STX18: variants seen among roughly 807,000 people sequenced by gnomAD.
STX18 encodes the protein syntaxin 18.
In STX18, 40 loss-of-function variants were observed where a neutral mutation model predicts 50.1. That is an observed-to-expected ratio of 0.80 (90% CI 0.62 to 1.04). The LOEUF is 1.04. Among genes scored for constraint, STX18 ranks in the 50% least tolerant of loss-of-function variants. The pLI, the probability that STX18 is intolerant of heterozygous loss-of-function variation, is 0.00. For missense variants in STX18, 410 were observed against 415.8 expected, an observed-to-expected ratio of 0.99 and a Z score of 0.12; for synonymous variants, 158 against 151.8, an observed-to-expected ratio of 1.04 and a Z score of -0.30.
chr4:4,470,497 C>G (rs963344756), intron 2 of STX18, among the ~76,000 whole-genome samples: 1 of 152,176 alleles, frequency 6.6e-6, no homozygotes, highest in African/African-American at 2.4e-5. Context: ...GGAAACCTGA[C>G]AAGGTCCTTG....
chr4:4,500,234 T>C (rs1365976242), intron 1 of STX18, among the ~76,000 whole-genome samples: 1 of 152,226 alleles, frequency 6.6e-6, no homozygotes, highest in Non-Finnish European at 1.5e-5. Flanking sequence ...TTTATCACTG[T>C]AATAATATAT....
rs569288504 is a variant in STX18 at position 4,515,385 on chromosome 4, C to A, written c.168+26412G>T. 2.2e-3 allele frequency among the ~76,000 whole-genome samples: 336 copies of A among 152,164 alleles called. 1 individual carries two copies. The highest frequency in any genetic ancestry group is 3.8e-3 in the Non-Finnish European group (255 of 67,966). On this transcript the variant is annotated intron_variant, in intron 1 of 10. Coordinates refer to ENST00000306200, the MANE Select transcript of STX18 (RefSeq NM_016930.4). ...AAAAATTGTGGTCATCTTTTGTTTG[C>A]TTTGTGTTTTAAGAAAAACTTGAAT...
intron 5 of STX18, among the ~76,000 whole-genome samples, chr4:4,448,624 G>A (rs1726566083): frequency 6.6e-6 from 1 of 152,314 alleles, no homozygotes; most frequent in Middle Eastern, 3.4e-3. Flanking sequence ...TTACAGGCAT[G>A]AGCCACCGCG....
chr4:4,495,563 C>G, intron 1 of STX18, among the ~76,000 whole-genome samples: 1 of 129,998 alleles, frequency 7.7e-6, no homozygotes, highest in African/African-American at 2.9e-5. Flanking sequence ...TTTTTCTTTT[C>G]TTTTTTTTTT....
chr4:4,443,845 G>A (rs1413892116), intron 5 of STX18, among the ~76,000 whole-genome samples: 1 of 152,198 alleles, frequency 6.6e-6, no homozygotes. Flanking sequence ...ATCCTCTGAT[G>A]ATAAAAACTT....
intron 6 of STX18, among the ~76,000 whole-genome samples, chr4:4,435,755 G>A (rs535339354): frequency 1.5e-4 from 23 of 152,282 alleles, no homozygotes; most frequent in Non-Finnish European, 2.4e-4. Context: ...GAAAGGGAGC[G>A]TAGGAACATT....
intron 1 of STX18, chr4:4,478,059 T>C (rs752024760): frequency 1.3e-5 from 2 of 152,216 alleles, no homozygotes; most frequent in East Asian, 1.9e-4. Context: ...AGAATTGGCA[T>C]TGATCACAGA....
rs75801136 is a variant in STX18 at position 4,505,341 on chromosome 4, C to G, written c.169-33635G>C. Among the ~76,000 whole-genome samples the G allele has an allele frequency of 7.7e-3, 1,179 of 152,290 alleles. 11 individuals carry two copies. The highest frequency in any genetic ancestry group is 0.027 in the African/African-American group (1,120 of 41,556). On this transcript the variant is annotated intron_variant, in intron 1 of 10. Transcript: ENST00000306200. ...TACCTACAGTTGAACAAAATCATAT[C>G]CAAAGAATGCTGGCAACACAGTACA...
chr4:4,422,596 AAAAG>A (rs1725027314), intron 9 of STX18, among the ~76,000 whole-genome samples: 1 of 151,856 alleles, frequency 6.6e-6, no homozygotes, highest in Non-Finnish European at 1.5e-5. Context: ...AAAAGAAAAA[AAAAG>A]AAAAGAAAAA....
chr4:4,431,460 G>A (rs886604357), intron 7 of STX18, among the ~76,000 whole-genome samples: 2 of 152,160 alleles, frequency 1.3e-5, no homozygotes, highest in East Asian at 1.9e-4. Context: ...TGGCTTCTCC[G>A]CCCCAGCCTC....
At position 4,541,948 on chromosome 4, in the gene STX18, G is replaced by A. The variant is rs777568469; in HGVS notation, c.17C>T (p.Thr6Met). The A allele has an allele frequency of 1.2e-5, 20 of 1,605,838 alleles. No homozygotes were observed. Among genetic ancestry groups the A allele is most frequent in the Non-Finnish European group, 2.5e-6 (3 of 1,177,142 alleles). ...CTTGACGCTGGCCCGGAATAGCAGC[G>A]TGATGTCCACCGCCATAGCGACCCG... The part of the protein sequence containing the change: MAVDI[T>M]LLFRASVKTV... The change falls in exon 1 of 11, where the codon ACG (threonine) becomes ATG (methionine). Residue 6 changes from threonine (T) to methionine (M), a missense_variant. Transcript: ENST00000306200.
chr4:4,498,687 A>G (rs1000387521), intron 1 of STX18, among the ~76,000 whole-genome samples: 1 of 152,226 alleles, frequency 6.6e-6, no homozygotes, highest in African/African-American at 2.4e-5. Flanking sequence ...ATAGGCAGTC[A>G]GGACATTTAA....
chr4:4,430,102 T>G (rs1288181916), intron 7 of STX18, among the ~76,000 whole-genome samples: 1 of 152,238 alleles, frequency 6.6e-6, no homozygotes, highest in South Asian at 2.1e-4. Flanking sequence ...TTAATATACC[T>G]GTATCATGAG....
intron 2 of STX18, among the ~76,000 whole-genome samples, chr4:4,465,915 G>C (rs1727597765): frequency 1.3e-5 from 2 of 152,148 alleles, no homozygotes; most frequent in African/African-American, 4.8e-5. Context: ...CTCCATGCCT[G>C]GCATAGTCTA....
intron 7 of STX18, among the ~76,000 whole-genome samples, chr4:4,429,173 T>A (rs1725403199): frequency 6.6e-6 from 1 of 152,146 alleles, no homozygotes; most frequent in Admixed American, 6.5e-5. Context: ...ACTCTCTCCA[T>A]ATGGGTTGCA....
intron 8 of STX18, among the ~76,000 whole-genome samples, chr4:4,424,231 T>A (rs955477656): frequency 5.9e-5 from 9 of 152,224 alleles, no homozygotes; most frequent in Admixed American, 2.6e-4. Flanking sequence ...GGGGCACATC[T>A]ATTTAGAAAC....
chr4:4,510,530 T>C (rs1221341505), intron 1 of STX18, among the ~76,000 whole-genome samples: 4 of 152,112 alleles, frequency 2.6e-5, no homozygotes, highest in East Asian at 1.9e-4. Flanking sequence ...TGTGGAGAAA[T>C]AGGAACGTTT....
intron 1 of STX18, among the ~76,000 whole-genome samples, chr4:4,488,922 T>G (rs73086301): frequency 0.016 from 2,484 of 152,276 alleles, 68 homozygotes; most frequent in African/African-American, 0.057. Flanking sequence ...AAAAGCAACT[T>G]CAAGCGGCCC....
chr4:4,501,229 C>T (rs1729443357), intron 1 of STX18, among the ~76,000 whole-genome samples: 3 of 152,176 alleles, frequency 2.0e-5, no homozygotes, highest in Non-Finnish European at 4.4e-5. Context: ...AACATAACAG[C>T]TTTAAAAAGG....
Sources: gnomAD v4.1 joint callset for allele counts (sites outside exome capture counted in the v4.1 genomes callset) on GRCh38, gnomAD v4.1.1 for gene constraint, MANE v1.5 for transcripts, NCBI Gene and HGNC (gene_info 2026-07-23, HGNC 2026-07-21) for gene names.